DENND5B: variants seen among roughly 807,000 people sequenced by gnomAD.
DENND5B encodes the protein DENN domain containing 5B.
Under a neutral mutation model 140.6 loss-of-function variants are expected in DENND5B, and 34 were observed. The observed-to-expected ratio is 0.24, with a 90% confidence interval of 0.18 to 0.32. The LOEUF is 0.32. Among genes scored for constraint, DENND5B ranks in the 10% least tolerant of loss-of-function variants. DENND5B has a pLI of 1.00. For missense variants in DENND5B, 1,142 were observed against 1,560.2 expected, an observed-to-expected ratio of 0.73 and a Z score of 4.52; for synonymous variants, 551 against 562.1, an observed-to-expected ratio of 0.98 and a Z score of 0.28.
intron 2 of DENND5B, among the ~76,000 whole-genome samples, chr12:31,490,441 G>A (rs148217669): frequency 2.1e-4 from 32 of 151,956 alleles, no homozygotes; most frequent in Non-Finnish European, 3.5e-4. Context: ...GCCAAACCCC[G>A]TCTCCTCAAA....
chr12:31,487,768 G>A (rs1327549019), intron 2 of DENND5B, among the ~76,000 whole-genome samples: 2 of 152,150 alleles, frequency 1.3e-5, no homozygotes, highest in African/African-American at 2.4e-5. Context: ...CACATTTATT[G>A]TAGTCAATAA....
At chr12:31,471,262 T>C (rs1482075965) in intron 3 of DENND5B, among the ~76,000 whole-genome samples, 1 of 152,150 alleles carries the variant, frequency 6.6e-6, no homozygotes, top group African/African-American at 2.4e-5. Flanking sequence ...TTCCCCCATG[T>C]GGAGTACCTT....
intron 14 of DENND5B, among the ~76,000 whole-genome samples, chr12:31,407,114 AAATT>A (rs745893422): frequency 6.6e-6 from 1 of 151,406 alleles, no homozygotes; most frequent in African/African-American, 2.4e-5. Context: ...CGATTTAATT[AAATT>A]AATTAATTAA....
chr12:31,460,208 C>G lies in DENND5B; in HGVS notation c.1078G>C (p.Glu360Gln). Residue 360 changes from glutamate to glutamine, a missense_variant, in exon 4 of 21, where the codon GAA becomes CAA. Glu to Gln is a conservative substitution (Grantham distance 29). This residue lies in a region of DENND5B where 708 missense variants were observed against 905.5 expected (regional missense o/e 0.78). Transcript: ENST00000389082. Reference sequence around the variant, plus strand: ...TGTAGTTTTACCTCTTGAGGAAGTTCTAGTTTAGAACGGTCAGTTCCTTCT... The same window carrying G: ...TGTAGTTTTACCTCTTGAGGAAGTTGTAGTTTAGAACGGTCAGTTCCTTCT... ...SKEGTDRSKL[E>Q]LPQEANLCFV... 6.2e-7 allele frequency: 1 copy of G among 1,612,100 alleles called. No individual in the cohort carries two copies. The highest frequency in any genetic ancestry group is 8.5e-7 in the Non-Finnish European group (1 of 1,178,986).
At chr12:31,459,304 T>A (rs1190370251) in intron 4 of DENND5B, among the ~76,000 whole-genome samples, 1 of 152,194 alleles carries the variant, frequency 6.6e-6, no homozygotes, top group Non-Finnish European at 1.5e-5. Flanking sequence ...GTTTATTTAT[T>A]TATTTTTGAG....
At chr12:31,499,300 A>G (rs1425097136) in intron 1 of DENND5B, among the ~76,000 whole-genome samples, 2 of 152,236 alleles carry the variant, frequency 1.3e-5, no homozygotes, top group African/African-American at 4.8e-5. Context: ...CTACATATCA[A>G]CTTAACTCCA....
intron 1 of DENND5B, among the ~76,000 whole-genome samples, chr12:31,518,868 G>C (rs1161244456): frequency 6.6e-6 from 1 of 152,046 alleles, no homozygotes; most frequent in South Asian, 2.1e-4. Flanking sequence ...AACCAATTTT[G>C]TTCATTCTTT....
At position 31,565,894 on chromosome 12, in the gene DENND5B, C is replaced by A. The variant is rs145210634; in HGVS notation, c.127+24812G>T. On this transcript the variant is annotated intron_variant, in intron 1 of 20. Transcript: ENST00000389082. ...CAGAGGTTCACACCTGTAATCCCAG[C>A]ACTTTGGGAGGCTAGGGCAGGTGGA... is the stretch of plus-strand genomic sequence containing the variant. Among the ~76,000 whole-genome samples the A allele has an allele frequency of 2.0e-3, 306 of 152,220 alleles. 3 individuals carry two copies. The East Asian group carries it at 0.037, about 18-fold the overall frequency.
chr12:31,448,425 G>A (rs543657736), intron 5 of DENND5B, among the ~76,000 whole-genome samples: 2 of 152,046 alleles, frequency 1.3e-5, no homozygotes, highest in South Asian at 2.1e-4. Context: ...GTGAGCCACC[G>A]CGCCCAGCTA....
chr12:31,503,942 T>C (rs1374373841), intron 1 of DENND5B, among the ~76,000 whole-genome samples: 1 of 152,170 alleles, frequency 6.6e-6, no homozygotes, highest in Non-Finnish European at 1.5e-5. Flanking sequence ...AAATGAGACA[T>C]GAAAGCTATT....
rs771040160 is a variant in DENND5B, at chr12:31,392,397, T to TG, written c.3340-5dup. The TG allele has an allele frequency of 6.2e-7, 1 of 1,613,718 alleles. No individual in the cohort carries two copies. The highest frequency in any genetic ancestry group is 8.5e-7 in the Non-Finnish European group (1 of 1,179,834). The stretch of plus-strand genomic sequence containing the variant: ...GCAACACGGTGAGGCTTCCTCTCTG[T>TG]GGGGCATAACACACAGTGCCAAAGA... On this transcript the variant is annotated splice_polypyrimidine_tract_variant and splice_region_variant and intron_variant, in intron 18 of 20. Transcript: ENST00000389082.
At position 31,470,438 on chromosome 12, in the gene DENND5B, C is replaced by T. The variant is rs574316982; in HGVS notation, c.904+9151G>A. Among the ~76,000 whole-genome samples the T allele has an allele frequency of 1.2e-4, 18 of 151,560 alleles. No individual in the cohort carries two copies. In the East Asian group the frequency reaches 1.9e-3, roughly 16 times the overall value. On this transcript the variant is annotated intron_variant, in intron 3 of 20. Coordinates refer to ENST00000389082, the MANE Select transcript of DENND5B (RefSeq NM_144973.4). ...CTTATTTTTAATTTTTTTGTAGAGA[C>T]GGGGTTTCACCATGTTACCCAGGCT...
At chr12:31,483,865 CTTTTTTT>C (rs200066618) in intron 2 of DENND5B, among the ~76,000 whole-genome samples, 2 of 129,420 alleles carry the variant, frequency 1.5e-5, no homozygotes, top group Non-Finnish European at 3.3e-5. Flanking sequence ...CTTTTCTTTT[CTTTTTTT>C]TTTTTTTTTT....
At chr12:31,437,741 A>G (rs768148826) in intron 7 of DENND5B, among the ~76,000 whole-genome samples, 19 of 152,200 alleles carry the variant, frequency 1.2e-4, no homozygotes, top group Non-Finnish European at 2.6e-4. Flanking sequence ...TATACAATGA[A>G]ATCTCATGCA....
At chr12:31,566,525 T>C (rs1480545133) in intron 1 of DENND5B, among the ~76,000 whole-genome samples, 2 of 151,986 alleles carry the variant, frequency 1.3e-5, no homozygotes, top group Admixed American at 6.6e-5. Flanking sequence ...TCCCAGCACT[T>C]TGGGAGGCAG....
At chr12:31,553,502 G>A (rs12823945) in intron 1 of DENND5B, among the ~76,000 whole-genome samples, 2 of 152,110 alleles carry the variant, frequency 1.3e-5, no homozygotes, top group Non-Finnish European at 2.9e-5. Flanking sequence ...CAATTTTGGA[G>A]TAGGTGTGGT....
At chr12:31,423,034 G>C (rs1051171166) in intron 11 of DENND5B, among the ~76,000 whole-genome samples, 2 of 150,596 alleles carry the variant, frequency 1.3e-5, no homozygotes, top group South Asian at 2.1e-4. Context: ...TTTGCCTCCC[G>C]GGTTCAAGCG....
chr12:31,470,259 C>T (rs1352620268), intron 3 of DENND5B, among the ~76,000 whole-genome samples: 2 of 151,824 alleles, frequency 1.3e-5, no homozygotes, highest in Non-Finnish European at 2.9e-5. Flanking sequence ...GGATTACAGG[C>T]ATGCACCACC....
intron 1 of DENND5B, among the ~76,000 whole-genome samples, chr12:31,563,590 A>G (rs969227253): frequency 1.3e-5 from 2 of 152,222 alleles, no homozygotes; most frequent in African/African-American, 2.4e-5. Flanking sequence ...TTGAGTTTGT[A>G]AGACCAATTT....
Sources: gnomAD v4.1 joint callset for allele counts (sites outside exome capture counted in the v4.1 genomes callset) on GRCh38, gnomAD v4.1.1 for gene constraint, gnomAD v4.1.1 regional missense constraint, MANE v1.5 for transcripts, NCBI Gene and HGNC (gene_info 2026-07-23, HGNC 2026-07-21) for gene names.